The following DKK4 variants were observed in gnomAD, a reference collection of about 807,000 sequenced individuals.
The protein encoded by DKK4 is dickkopf-related protein 4.
Under a neutral mutation model 14.5 loss-of-function variants are expected in DKK4, and 15 were observed. The ratio of observed to expected loss-of-function variants is 1.03; its 90% CI spans 0.69 to 1.59. DKK4 has a LOEUF of 1.59. Among genes scored for constraint, DKK4 ranks in the 40% most tolerant of loss-of-function variants. The probability of loss-of-function intolerance (pLI) is 0.00; values close to 1 mark genes in which losing one functional copy is unlikely to be tolerated. For missense variants in DKK4, 272 were observed against 280.3 expected (o/e 0.97, Z 0.21); for synonymous variants, 89 against 105.2 (o/e 0.85, Z 0.94).
chr8:42,391,034 A>G, the DKK4 span, among the ~76,000 whole-genome samples: 53 of 152,302 alleles, frequency 3.5e-4, no homozygotes, highest in South Asian at 0.011. Flanking sequence ...TCTGTCATCT[A>G]TTCTACCTTT....
chr8:42,390,078 G>C, the DKK4 span, among the ~76,000 whole-genome samples: 3 of 152,000 alleles, frequency 2.0e-5, no homozygotes, highest in African/African-American at 7.2e-5. Flanking sequence ...ATTTTTACTA[G>C]AGTCGGAGTT....
chr8:42,377,105 T>G lies in DKK4; in HGVS notation c.-60A>C, dbSNP rs1326418103. On this transcript the variant is annotated 5_prime_UTR_variant, in exon 1 of 4. Coordinates refer to ENST00000220812, the MANE Select transcript of DKK4 (RefSeq NM_014420.3). ...CTGTGCGTCACCAAAGCGAGGCTGC[T>G]CTCCACCCAGAGCAGAGCTTCCACT... The G allele has an allele frequency of 1.4e-6, 2 of 1,431,832 alleles. No individual in the cohort carries two copies. The highest frequency in any genetic ancestry group is 2.8e-5 in the African/African-American group (2 of 71,202). 88.7% of individuals were successfully genotyped at this position (1,431,832 alleles called of 1,614,324 possible).
chr8:42,374,686 C>T, intron 3 of DKK4, 75 bp downstream of exon 3: 1 of 1,578,824 alleles, frequency 6.3e-7, no homozygotes, highest in Non-Finnish European at 8.6e-7. Context: ...TAAAATCAGT[C>T]TCACCCTATC....
At chr8:42,388,569 T>C in the DKK4 span, among the ~76,000 whole-genome samples, 1 of 151,876 alleles carries the variant, frequency 6.6e-6, no homozygotes, top group Non-Finnish European at 1.5e-5. Context: ...ATTTAATTAA[T>C]TAATTAATTA....
upstream of DKK4, among the ~76,000 whole-genome samples, chr8:42,378,668 G>A (rs112421662): frequency 7.8e-3 from 1,183 of 152,136 alleles, 14 homozygotes; most frequent in African/African-American, 0.027. Context: ...CACTGTAAGG[G>A]AATTTCAGGT....
chr8:42,379,974 TAAAGCAAGAGGAC>T (rs1474792670), upstream of DKK4, among the ~76,000 whole-genome samples: 1 of 152,070 alleles, frequency 6.6e-6, no homozygotes, highest in Non-Finnish European at 1.5e-5. Context: ...GTGAGGAGGA[TAAAGCAAGAGGAC>T]CACTTGAGGC....
chr8:42,390,040 C>G, the DKK4 span, among the ~76,000 whole-genome samples: 2 of 152,072 alleles, frequency 1.3e-5, no homozygotes, highest in Non-Finnish European at 2.9e-5. Context: ...TTACAGGCAC[C>G]CGCCACCATG....
chr8:42,380,915 G>C (rs1585938318), upstream of DKK4, among the ~76,000 whole-genome samples: 1 of 151,252 alleles, frequency 6.6e-6, no homozygotes, highest in East Asian at 2.0e-4. Context: ...ATGAGAGAAA[G>C]AAAGAAAAAG....
At chr8:42,379,351 CTATATATA>C (rs71548581), upstream of DKK4, among the ~76,000 whole-genome samples, 8 of 8,782 alleles carry the variant, frequency 9.1e-4, no homozygotes, top group African/African-American at 1.3e-3. Flanking sequence ...GAGATTAAGC[CTATATATA>C]TATATATATA....
At chr8:42,384,972 C>T in the DKK4 span, among the ~76,000 whole-genome samples, 1 of 152,218 alleles carries the variant, frequency 6.6e-6, no homozygotes, top group African/African-American at 2.4e-5. Context: ...GAAGCTAGAG[C>T]TTCACTAGGA....
chr8:42,384,268 C>T, the DKK4 span, among the ~76,000 whole-genome samples: 3 of 152,098 alleles, frequency 2.0e-5, no homozygotes, highest in Admixed American at 6.5e-5. Context: ...CTCAGCTCCC[C>T]GAGTAGCTGG....
At chr8:42,387,715 G>A in the DKK4 span, among the ~76,000 whole-genome samples, 1 of 152,090 alleles carries the variant, frequency 6.6e-6, no homozygotes, top group South Asian at 2.1e-4. Flanking sequence ...GAGCTAACTG[G>A]ACAGGACTAG....
the DKK4 span, among the ~76,000 whole-genome samples, chr8:42,386,619 G>C: frequency 1.3e-5 from 2 of 152,110 alleles, no homozygotes; most frequent in Non-Finnish European, 2.9e-5. Flanking sequence ...CTCCTGAGTA[G>C]CTGGGAACAC....
At chr8:42,381,415 CTCTCCGTTTT>C (rs1206508412), upstream of DKK4, among the ~76,000 whole-genome samples, 1 of 152,212 alleles carries the variant, frequency 6.6e-6, no homozygotes, top group African/African-American at 2.4e-5. Flanking sequence ...ACGAACCAGG[CTCTCCGTTTT>C]GCCTCTGAGA....
In DKK4 at chr8:42,375,820, C is replaced by T. The variant is rs535127034; in HGVS notation, c.122G>A (p.Cys41Tyr). The T allele has an allele frequency of 3.7e-5, 60 of 1,614,008 alleles. No individual in the cohort carries two copies. The Middle Eastern group carries it at 6.6e-4, about 18-fold the overall frequency. ...GGTATTGCAGTCCGTGTCAGACAGG[C>T]ACTGTGAGCCCTGTGGAGGGAATCT... ...DLHGARKGSQ[C>Y]LSDTDCNTRK... The change falls in exon 2 of 4, where the codon TGC (cysteine) becomes TAC (tyrosine). Residue 41 changes from cysteine to tyrosine, a missense_variant. Transcript: ENST00000220812.
upstream of DKK4, among the ~76,000 whole-genome samples, chr8:42,378,145 A>G (rs1388881214): frequency 6.6e-6 from 1 of 152,186 alleles, no homozygotes; most frequent in East Asian, 1.9e-4. Flanking sequence ...TAATTTAGAC[A>G]TGTGCTTATC....
chr8:42,387,723 T>C, the DKK4 span, among the ~76,000 whole-genome samples: 2 of 152,094 alleles, frequency 1.3e-5, no homozygotes, highest in Admixed American at 6.6e-5. Flanking sequence ...TGGACAGGAC[T>C]AGAGGGACAG....
At chr8:42,387,623 G>T in the DKK4 span, among the ~76,000 whole-genome samples, 1 of 152,044 alleles carries the variant, frequency 6.6e-6, no homozygotes, top group East Asian at 1.9e-4. Flanking sequence ...GCCTCCCAAA[G>T]TGTTGGGATT....
At chr8:42,389,793 G>A in the DKK4 span, among the ~76,000 whole-genome samples, 2 of 152,006 alleles carry the variant, frequency 1.3e-5, no homozygotes, top group African/African-American at 4.8e-5. Context: ...GATCATTTGA[G>A]GGTTAGTTGC....
Sources: allele counts gnomAD v4.1 joint callset (sites outside exome capture counted in the v4.1 genomes callset), GRCh38; gene constraint gnomAD v4.1.1; transcripts MANE v1.5; gene names NCBI Gene and HGNC (gene_info 2026-07-23, HGNC 2026-07-21).